CHDH: variants seen among roughly 807,000 people sequenced by gnomAD.
CHDH encodes the protein choline dehydrogenase, mitochondrial.
CHDH carries 43 observed loss-of-function variants against 56.9 expected under a neutral mutation model. The observed-to-expected ratio is 0.76, with a 90% CI of 0.59 to 0.97. The LOEUF (loss-of-function observed/expected upper bound fraction) is 0.97, where lower values mean the gene tolerates loss of function less well. CHDH is among the 50% of genes least tolerant of loss of function. CHDH has a pLI of 0.00. For synonymous variants in CHDH, 364 were observed against 348.5 expected (o/e 1.04, Z -0.50); for missense variants, 816 against 821.1 (o/e 0.99, Z 0.08).
chr3:53,838,846 C>A (rs940049791), intron 2 of CHDH, among the ~76,000 whole-genome samples: 1 of 152,164 alleles, frequency 6.6e-6, no homozygotes, highest in African/African-American at 2.4e-5. Context: ...GAAGCAGAGG[C>A]CTAGGGGGTA....
At chr3:53,831,734 C>T (rs1004291724) in intron 2 of CHDH, among the ~76,000 whole-genome samples, 1 of 152,082 alleles carries the variant, frequency 6.6e-6, no homozygotes, top group Non-Finnish European at 1.5e-5. Context: ...CTTGAATAGA[C>T]ATTTCTCTAA....
At chr3:53,829,507 C>G (rs1207775901) in intron 2 of CHDH, among the ~76,000 whole-genome samples, 1 of 151,648 alleles carries the variant, frequency 6.6e-6, no homozygotes, top group African/African-American at 2.4e-5. Context: ...TATGGGAAAT[C>G]TCTTCACCCT....
chr3:53,821,828 C>G (rs1207289131), intron 4 of CHDH, 52 bp from the exon 5 acceptor site: 3 of 1,604,110 alleles, frequency 1.9e-6, no homozygotes, highest in Non-Finnish European at 2.6e-6. Context: ...GTTCTCCTGA[C>G]TCACAGACCA....
chr3:53,817,874 A>G lies in CHDH; in HGVS notation c.1688T>C (p.Ile563Thr). The change falls in exon 9 of 9, where the codon ATC (isoleucine) becomes ACC (threonine). Residue 563 changes from isoleucine to threonine, a missense_variant. By Grantham distance (89) the Ile-to-Thr change is moderately conservative. Transcript: ENST00000315251. ...SGNLNAPTIM[I>T]AEKAADIIKG... ...GATAATGTCAGCTGCCTTCTCTGCG[A>G]TCATGATTGTGGGGGCGTTCAGGTT... 2 of 1,614,214 alleles carry G rather than the reference A, an allele frequency of 1.2e-6. No homozygotes were observed. Among genetic ancestry groups the G allele is most frequent in the Non-Finnish European group, 1.7e-6 (2 of 1,180,044 alleles).
chr3:53,837,776 G>A (rs887123399), intron 2 of CHDH, among the ~76,000 whole-genome samples: 3 of 152,134 alleles, frequency 2.0e-5, no homozygotes, highest in Non-Finnish European at 4.4e-5. Context: ...TAAGGTGGGA[G>A]GCCGGGCGCG....
In CHDH at chr3:53,823,652, C is replaced by T. The variant is rs1209958573; in HGVS notation, c.357G>A (p.Val119=). Residue 119 remains valine (V), a synonymous_variant, in exon 3 of 9, where the codon GTG becomes GTA. Coordinates refer to ENST00000315251, the MANE Select transcript of CHDH (RefSeq NM_018397.5). The part of the protein sequence containing the change: ...TEVQRGLDGR[V]LYWPRGRVWG... Reference sequence around the variant, plus strand: ...AGACGCGGCCGCGTGGCCAGTACAGCACGCGGCCGTCCAGGCCCCGCTGCA... The same window carrying T: ...AGACGCGGCCGCGTGGCCAGTACAGTACGCGGCCGTCCAGGCCCCGCTGCA... The T allele has an allele frequency of 6.5e-7, 1 of 1,545,148 alleles. No homozygotes were observed. The highest frequency in any genetic ancestry group is 2.4e-5 in the East Asian group (1 of 40,844).
rs3209093 is a variant in CHDH, at chr3:53,822,512, G to A, written c.834C>T (p.Val278=). 6.2e-7 allele frequency: 1 copy of A among 1,612,880 alleles called. No individual in the cohort carries two copies. Residue 278 remains valine, a synonymous_variant, in exon 4 of 9, where the codon GTC becomes GTT. Transcript: ENST00000315251. ...TCACCCTGTGGCTCTGGCCATTCTT[G>A]ACATACTCCACGCCCACTGCACGGG... ...EGTRAVGVEY[V]KNGQSHRAYA... is the part of the protein sequence containing the mutation.
At chr3:53,839,300 G>A (rs1698600971) in intron 2 of CHDH, among the ~76,000 whole-genome samples, 2 of 152,234 alleles carry the variant, frequency 1.3e-5, no homozygotes, top group Admixed American at 1.3e-4. Context: ...GCAAAGGTCA[G>A]AGCAACTTGC....
In CHDH at chr3:53,819,994, G is replaced by C. The variant is rs2095623126; in HGVS notation, c.1121-320C>G. On this transcript the variant is annotated intron_variant, in intron 6 of 8. Coordinates refer to ENST00000315251, the MANE Select transcript of CHDH (RefSeq NM_018397.5). This position sits in a 1 kb window ranked among gnomAD's most constrained non-coding sequence, Gnocchi z 5.4. Reference sequence around the variant, plus strand: ...GCACAGCACACAGCACATACTAGGTGTGTGAGAAATACAGACTGAGTGGAT... The same window carrying C: ...GCACAGCACACAGCACATACTAGGTCTGTGAGAAATACAGACTGAGTGGAT... Among the ~76,000 whole-genome samples the C allele has an allele frequency of 6.6e-6, 1 of 152,258 alleles. No homozygotes were observed. Among genetic ancestry groups the C allele is most frequent in the Non-Finnish European group, 1.5e-5 (1 of 68,038 alleles).
Position 53,823,347 on chromosome 3 carries a change from T to C in CHDH, c.662A>G (p.Gln221Arg). Residue 221 changes from glutamine (Q) to arginine (R), a missense_variant, in exon 3 of 9, where the codon CAG becomes CGG. Transcript: ENST00000315251. Reference protein sequence around the residue: ...YPLTEDMNGFQQEGFGWMDMT... With the variant: ...YPLTEDMNGFRQEGFGWMDMT... ...GTCCATCCAGCCGAAGCCCTCCTGC[T>C]GGAAGCCATTCATGTCCTCGGTGAG... 6.3e-7 allele frequency: 1 copy of C among 1,598,374 alleles called. No individual in the cohort carries two copies.
Position 53,817,539 on chromosome 3 carries a change from C to A in CHDH, c.*238G>T, listed in dbSNP as rs2095617970. ...AGGAGGCAGGGAGGAACATCTCAGG[C>A]TGAATGCTGGCCTTCCCCAAATGGC... On this transcript the variant is annotated 3_prime_UTR_variant, in exon 9 of 9. Transcript: ENST00000315251. 3 of 528,020 alleles carry A rather than the reference C, an allele frequency of 5.7e-6. No individual in the cohort carries two copies. The highest frequency in any genetic ancestry group is 9.9e-6 in the Non-Finnish European group (3 of 302,026). 32.7% of individuals were successfully genotyped at this position (528,020 alleles called of 1,614,324 possible).
At chr3:53,823,176 G>A in intron 3 of CHDH, 130 bp downstream of exon 3, 1 of 824,058 alleles carries the variant, frequency 1.2e-6, no homozygotes, top group Non-Finnish European at 1.8e-6. Context: ...TCTCTTCCCG[G>A]TCGTGCCAGC....
intron 2 of CHDH, among the ~76,000 whole-genome samples, chr3:53,826,017 T>C (rs1162199335): frequency 1.3e-5 from 2 of 152,056 alleles, no homozygotes; most frequent in African/African-American, 2.4e-5. Flanking sequence ...AATTAGATGA[T>C]AATTTAGATG....
rs370185031 is a variant in CHDH at position 53,819,565 on chromosome 3, G to A, written c.1230C>T (p.His410=). Residue 410 remains histidine (H), a synonymous_variant, in exon 7 of 9, where the codon CAC becomes CAT. Coordinates refer to ENST00000315251, the MANE Select transcript of CHDH (RefSeq NM_018397.5). This position sits in a 1 kb window ranked among gnomAD's most constrained non-coding sequence, Gnocchi z 5.4. ...CCTCCTGCTGGGTGGGGACCCGCCC[G>A]TGGTCAATCACTTGGGATGGCAGGA... ...FHFLPSQVID[H]GRVPTQQEAY... is the part of the protein sequence containing the mutation. The A allele has an allele frequency of 1.8e-5, 29 of 1,612,486 alleles. No homozygotes were observed. In the Admixed American group the frequency reaches 1.8e-4, roughly 10 times the overall value.
At chr3:53,823,185 GC>G in intron 3 of CHDH, 120 bp downstream of exon 3, 1 of 898,126 alleles carries the variant, frequency 1.1e-6, no homozygotes, top group East Asian at 2.8e-5. Flanking sequence ...GGTCGTGCCA[GC>G]CTCAGTCTGC....
intron 2 of CHDH, among the ~76,000 whole-genome samples, chr3:53,831,845 C>G (rs1318115415): frequency 1.3e-5 from 2 of 151,826 alleles, no homozygotes; most frequent in African/African-American, 4.8e-5. Context: ...CCACTTCACA[C>G]CCATCCTGAT....
chr3:53,821,187 T>A (rs1301997713), intron 5 of CHDH, among the ~76,000 whole-genome samples: 1 of 152,210 alleles, frequency 6.6e-6, no homozygotes, highest in African/African-American at 2.4e-5. Context: ...AGCCCGACCC[T>A]CAAGAGCATC....
chr3:53,839,062 CG>C (rs1172627987), intron 2 of CHDH, among the ~76,000 whole-genome samples: 1 of 152,100 alleles, frequency 6.6e-6, no homozygotes, highest in Non-Finnish European at 1.5e-5. Context: ...TCAGAACAAG[CG>C]GGGAGCCCGG....
chr3:53,824,240 G>A (rs989791419), intron 2 of CHDH, among the ~76,000 whole-genome samples, 173 bp from the exon 3 acceptor site: 2 of 152,262 alleles, frequency 1.3e-5, no homozygotes, highest in African/African-American at 4.8e-5. Flanking sequence ...GTATGTGCCA[G>A]GATGGACAGG....
Sources: allele counts gnomAD v4.1 joint callset (sites outside exome capture counted in the v4.1 genomes callset), GRCh38; gene constraint gnomAD v4.1.1; non-coding constraint Gnocchi (gnomAD v3.1); transcripts MANE v1.5; gene names NCBI Gene and HGNC (gene_info 2026-07-23, HGNC 2026-07-21).